The following RIT2 variants were observed in gnomAD, a reference collection of about 807,000 sequenced individuals.
RIT2 encodes Ras like without CAAX 2.
Under a neutral mutation model 23.7 loss-of-function variants are expected in RIT2, and 24 were observed. The ratio of observed to expected loss-of-function variants is 1.01; its 90% CI spans 0.73 to 1.43. RIT2 has a LOEUF of 1.43. Ranked by LOEUF, RIT2 falls within the 40% of genes most tolerant of loss-of-function variation. The pLI, the probability that RIT2 is intolerant of heterozygous loss-of-function variation, is 0.00. For missense variants in RIT2, 236 were observed against 266.9 expected (o/e 0.88, Z 0.81); for synonymous variants, 107 against 91.1 (o/e 1.17, Z -0.99).
At chr18:43,081,524 A>C in intron 1 of RIT2, among the ~76,000 whole-genome samples, 1 of 152,160 alleles carries the variant, frequency 6.6e-6, no homozygotes, top group South Asian at 2.1e-4. Context: ...GTCTGACTTC[A>C]TATGTGCTCT....
At chr18:43,114,695 G>T (rs1164852718) in intron 1 of RIT2, among the ~76,000 whole-genome samples, 1 of 151,782 alleles carries the variant, frequency 6.6e-6, no homozygotes, top group Non-Finnish European at 1.5e-5. Context: ...GGCCTTTTAG[G>T]CTCCTCAAGA....
intron 3 of RIT2, among the ~76,000 whole-genome samples, chr18:42,930,324 C>T (rs1909294784): frequency 6.7e-6 from 1 of 148,898 alleles, no homozygotes; most frequent in Admixed American, 6.7e-5. Context: ...AGTGAGGTTT[C>T]ACAAAAGGAG....
chr18:42,763,955 T>C (rs1913363049), intron 4 of RIT2, among the ~76,000 whole-genome samples: 3 of 152,244 alleles, frequency 2.0e-5, no homozygotes, highest in African/African-American at 4.8e-5. Flanking sequence ...GGCTTCACTA[T>C]AATCTTATGG....
intron 2 of RIT2, among the ~76,000 whole-genome samples, chr18:43,031,495 A>G (rs1464702021): frequency 1.3e-5 from 2 of 152,054 alleles, no homozygotes; most frequent in African/African-American, 4.8e-5. Flanking sequence ...GTAACCTAAT[A>G]TTAACCAATC....
At chr18:42,894,609 T>C (rs1194594268) in intron 4 of RIT2, among the ~76,000 whole-genome samples, 3 of 152,220 alleles carry the variant, frequency 2.0e-5, no homozygotes, top group Admixed American at 1.3e-4. Context: ...CAGATCTTCA[T>C]GTGTCTGATA....
chr18:42,787,577 C>A (rs1219519376), intron 4 of RIT2, among the ~76,000 whole-genome samples: 1 of 152,226 alleles, frequency 6.6e-6, no homozygotes, highest in Non-Finnish European at 1.5e-5. Flanking sequence ...TTAGCAGGTT[C>A]GGAGTCAATG....
intron 3 of RIT2, among the ~76,000 whole-genome samples, chr18:42,941,296 T>A (rs188294430): frequency 1.6e-4 from 24 of 152,228 alleles, no homozygotes; most frequent in Admixed American, 7.9e-4. Context: ...ATGGTATGAT[T>A]TGAGGAACAC....
At chr18:43,099,654 T>C (rs1016608005) in intron 1 of RIT2, among the ~76,000 whole-genome samples, 1 of 152,102 alleles carries the variant, frequency 6.6e-6, no homozygotes, top group Non-Finnish European at 1.5e-5. Flanking sequence ...CATAAACACA[T>C]GTGTATTTGT....
intron 4 of RIT2, among the ~76,000 whole-genome samples, chr18:42,897,550 T>C (rs1008121658): frequency 6.6e-6 from 1 of 152,204 alleles, no homozygotes; most frequent in Non-Finnish European, 1.5e-5. Flanking sequence ...TAAAATGTCA[T>C]ACTTTGTTTA....
At chr18:42,752,573 T>C (rs547849185) in intron 4 of RIT2, among the ~76,000 whole-genome samples, 1 of 152,330 alleles carries the variant, frequency 6.6e-6, no homozygotes, top group South Asian at 2.1e-4. Flanking sequence ...TTTCTTGCTG[T>C]CTCTCATGGG....
chr18:42,991,854 C>T lies in RIT2; in HGVS notation c.161-17707G>A, dbSNP rs572621731. ...AAAATGGCCCCACCCCATCTCCCTT[C>T]GCTGACTCTCTTTTCGGACTCAGCC... On this transcript the variant is annotated intron_variant, in intron 2 of 4. Transcript: ENST00000326695. 1.5e-4 allele frequency among the ~76,000 whole-genome samples: 23 copies of T among 152,182 alleles called. No homozygotes were observed. The South Asian group carries it at 3.9e-3, about 26-fold the overall frequency.
chr18:42,858,835 T>C (rs895106406), intron 4 of RIT2, among the ~76,000 whole-genome samples: 2 of 152,234 alleles, frequency 1.3e-5, no homozygotes, highest in African/African-American at 4.8e-5. Context: ...TATTGTTTCA[T>C]GTAGCATAAT....
At chr18:43,000,105 T>G (rs1017359266) in intron 2 of RIT2, among the ~76,000 whole-genome samples, 4 of 152,036 alleles carry the variant, frequency 2.6e-5, no homozygotes, top group African/African-American at 9.7e-5. Flanking sequence ...GTTGACAAAA[T>G]GAAGAAGTAT....
At position 43,033,866 on chromosome 18, in the gene RIT2, T is replaced by G; in HGVS notation, c.105A>C (p.Ala35=). 6.2e-7 allele frequency: 1 copy of G among 1,602,336 alleles called. No homozygotes were observed. Among genetic ancestry groups the G allele is most frequent in the Middle Eastern group, 1.7e-4 (1 of 5,982 alleles). ...GATGACTAATAAACTGCATTGTCAT[T>G]GCTGAAAGAAAAAAAACACATTTTG... ...MLGAGGVGKS[A]MTMQFISHQF... Residue 35 remains alanine, a splice_region_variant and synonymous_variant, in exon 2 of 5, where the codon GCA becomes GCC. Transcript: ENST00000326695.
At chr18:43,088,791 G>A (rs552556186) in intron 1 of RIT2, among the ~76,000 whole-genome samples, 85 of 152,076 alleles carry the variant, frequency 5.6e-4, no homozygotes, top group Non-Finnish European at 1.1e-3. Context: ...CCAACCAAGG[G>A]GGACCTTATT....
chr18:43,067,267 A>G (rs1489192679), intron 1 of RIT2, among the ~76,000 whole-genome samples: 1 of 152,168 alleles, frequency 6.6e-6, no homozygotes, highest in Non-Finnish European at 1.5e-5. Context: ...TTGGATATAT[A>G]TCAATTGAAA....
chr18:42,765,590 C>A (rs970600229), intron 4 of RIT2, among the ~76,000 whole-genome samples: 2 of 152,112 alleles, frequency 1.3e-5, no homozygotes, highest in Non-Finnish European at 2.9e-5. Context: ...AAAACCCAAG[C>A]CCCAGGGAAA....
chr18:42,772,663 T>C (rs1050303654), intron 4 of RIT2, among the ~76,000 whole-genome samples: 1 of 152,242 alleles, frequency 6.6e-6, no homozygotes, highest in African/African-American at 2.4e-5. Flanking sequence ...GTTCCTGATG[T>C]AGAGCTCCTA....
At chr18:42,912,412 AT>A (rs1379439113) in intron 4 of RIT2, among the ~76,000 whole-genome samples, 2 of 151,872 alleles carry the variant, frequency 1.3e-5, no homozygotes, top group African/African-American at 4.8e-5. Context: ...GATCCTGGAA[AT>A]TTTAGCCACT....
Sources: allele counts gnomAD v4.1 joint callset (sites outside exome capture counted in the v4.1 genomes callset), GRCh38; gene constraint gnomAD v4.1.1; transcripts MANE v1.5; gene names NCBI Gene and HGNC (gene_info 2026-07-23, HGNC 2026-07-21).